SGCD: variants seen among roughly 807,000 people sequenced by gnomAD.
SGCD encodes the protein sarcoglycan delta.
A neutral mutation model predicts 36.6 loss-of-function variants in SGCD; 18 were observed. The ratio of observed to expected loss-of-function variants is 0.49; its 90% CI spans 0.34 to 0.73. The LOEUF (loss-of-function observed/expected upper bound fraction) is 0.73. SGCD is among the 30% of genes least tolerant of loss of function. The pLI is 0.01. For synonymous variants in SGCD, 133 were observed against 130.6 expected (o/e 1.02, Z -0.12); for missense variants, 387 against 346.7 (o/e 1.12, Z -0.92).
At chr5:155,748,258 C>A in the SGCD span, among the ~76,000 whole-genome samples, 1 of 152,022 alleles carries the variant, frequency 6.6e-6, no homozygotes, top group African/African-American at 2.4e-5. Context: ...ATGCCTCCTC[C>A]TAAATTCTTA....
At chr5:156,627,031 C>G (rs1447859218) in intron 6 of SGCD, among the ~76,000 whole-genome samples, 1 of 152,216 alleles carries the variant, frequency 6.6e-6, no homozygotes, top group African/African-American at 2.4e-5. Flanking sequence ...ACATTTCCTT[C>G]TCTTCCTTTA....
the SGCD span, among the ~76,000 whole-genome samples, chr5:155,782,359 C>T: frequency 1.3e-5 from 2 of 151,880 alleles, no homozygotes; most frequent in African/African-American, 4.8e-5. Flanking sequence ...ATTTGGCTTT[C>T]ATGAAAGATT....
chr5:156,490,203 T>C (rs916989211), intron 3 of SGCD, among the ~76,000 whole-genome samples: 1 of 151,966 alleles, frequency 6.6e-6, no homozygotes, highest in Non-Finnish European at 1.5e-5. Flanking sequence ...GTAATGACAT[T>C]GAATCAGTAA....
intron 3 of SGCD, among the ~76,000 whole-genome samples, chr5:156,212,221 T>C (rs1207409983): frequency 6.6e-6 from 1 of 152,204 alleles, no homozygotes; most frequent in Non-Finnish European, 1.5e-5. Context: ...ATGGAGTGAT[T>C]AAATGGATTT....
At chr5:156,530,686 T>A (rs1023098906) in intron 4 of SGCD, among the ~76,000 whole-genome samples, 31 of 152,004 alleles carry the variant, frequency 2.0e-4, no homozygotes, top group African/African-American at 7.5e-4. Context: ...TTCAAGCAAC[T>A]CTTCTGCCTC....
intron 2 of SGCD, among the ~76,000 whole-genome samples, chr5:156,121,805 G>A (rs879145740): frequency 6.6e-6 from 1 of 152,042 alleles, no homozygotes; most frequent in Admixed American, 6.6e-5. Flanking sequence ...TTATAGTAAA[G>A]CAGGGGCTGA....
intron 1 of SGCD, among the ~76,000 whole-genome samples, chr5:156,327,998 T>A (rs1767888750): frequency 6.6e-6 from 1 of 152,236 alleles, no homozygotes; most frequent in South Asian, 2.1e-4. Context: ...AAATTCTTCT[T>A]AAAGGACAGA....
intron 3 of SGCD, among the ~76,000 whole-genome samples, chr5:156,507,374 G>C (rs187560454): frequency 5.3e-5 from 8 of 152,322 alleles, no homozygotes; most frequent in Admixed American, 3.9e-4. Context: ...AAAGGAAATT[G>C]ATTCTCCCTT....
At chr5:155,887,888 A>AT (rs1756044458) in intron 1 of SGCD, among the ~76,000 whole-genome samples, 1 of 152,214 alleles carries the variant, frequency 6.6e-6, no homozygotes, top group Non-Finnish European at 1.5e-5. Flanking sequence ...TCCTTAATTT[A>AT]TACTAAGTAC....
chr5:155,944,411 C>T (rs528947224), intron 1 of SGCD, among the ~76,000 whole-genome samples: 8 of 152,240 alleles, frequency 5.3e-5, no homozygotes, highest in African/African-American at 1.9e-4. Context: ...TATCTGTATA[C>T]ACACGTGTTT....
At chr5:155,936,624 T>C (rs1303512099) in intron 1 of SGCD, among the ~76,000 whole-genome samples, 2 of 152,202 alleles carry the variant, frequency 1.3e-5, no homozygotes, top group Non-Finnish European at 2.9e-5. Context: ...TGGGCGGCCA[T>C]GGGCAGGCCC....
At chr5:156,341,423 T>G (rs1768646770) in intron 2 of SGCD, among the ~76,000 whole-genome samples, 1 of 152,184 alleles carries the variant, frequency 6.6e-6, no homozygotes, top group Non-Finnish European at 1.5e-5. Flanking sequence ...GAAAGCCATT[T>G]TTTAGATGTT....
At chr5:156,262,371 A>G (rs1370747575) in intron 3 of SGCD, among the ~76,000 whole-genome samples, 6 of 152,152 alleles carry the variant, frequency 3.9e-5, no homozygotes, top group African/African-American at 1.4e-4. Context: ...TGCTGTACAA[A>G]TTTATAACCC....
At chr5:156,555,168 A>G (rs777070139) in intron 4 of SGCD, among the ~76,000 whole-genome samples, 1 of 152,136 alleles carries the variant, frequency 6.6e-6, no homozygotes, top group Non-Finnish European at 1.5e-5. Context: ...TTTATTTCCA[A>G]GAAAGTTTTT....
chr5:155,826,693 A>G, the SGCD span, among the ~76,000 whole-genome samples: 3 of 152,202 alleles, frequency 2.0e-5, no homozygotes, highest in African/African-American at 7.2e-5. Context: ...AAATGAAGTT[A>G]TGTTACTCAA....
intron 1 of SGCD, among the ~76,000 whole-genome samples, chr5:155,927,374 T>G (rs571356151): frequency 4.0e-4 from 61 of 152,212 alleles, no homozygotes; most frequent in Non-Finnish European, 6.3e-4. Flanking sequence ...CTGGAAAATA[T>G]CTGTAGTTGA....
chr5:155,896,077 C>T (rs982102696), intron 1 of SGCD, among the ~76,000 whole-genome samples: 1 of 152,074 alleles, frequency 6.6e-6, no homozygotes, highest in African/African-American at 2.4e-5. Flanking sequence ...TTGATATTTC[C>T]CTATGAAATA....
intron 1 of SGCD, among the ~76,000 whole-genome samples, chr5:155,924,898 A>T (rs1756964629): frequency 6.6e-6 from 1 of 152,210 alleles, no homozygotes; most frequent in Non-Finnish European, 1.5e-5. Flanking sequence ...TGCATATTGC[A>T]GTCACTCTCT....
intron 1 of SGCD, among the ~76,000 whole-genome samples, chr5:155,941,071 T>G (rs2113410282): frequency 1.3e-5 from 2 of 152,142 alleles, no homozygotes; most frequent in South Asian, 4.2e-4. Context: ...ATGAAGGCCT[T>G]TGGGTGGCAT....
Sources: allele counts gnomAD v4.1 joint callset (sites outside exome capture counted in the v4.1 genomes callset), GRCh38; gene constraint gnomAD v4.1.1; transcripts MANE v1.5; gene names NCBI Gene and HGNC (gene_info 2026-07-23, HGNC 2026-07-21).